The following KIRREL3 variants were observed in gnomAD, a reference collection of about 807,000 sequenced individuals.
KIRREL3 encodes kirre like nephrin family adhesion molecule 3, also known as kin of IRRE-like protein 3.
Under a neutral mutation model 89.7 loss-of-function variants are expected in KIRREL3, and 36 were observed. The ratio of observed to expected loss-of-function variants is 0.40; its 90% CI spans 0.31 to 0.53. KIRREL3 has a LOEUF of 0.53. Ranked by LOEUF, KIRREL3 falls within the 20% of genes least tolerant of loss-of-function variation. KIRREL3 has a pLI of 0.49. For missense variants in KIRREL3, 864 were observed against 1,056.6 expected (o/e 0.82, Z 2.53); for synonymous variants, 445 against 441.4 (o/e 1.01, Z -0.10).
At chr11:126,746,497 G>A (rs978903302) in intron 1 of KIRREL3, among the ~76,000 whole-genome samples, 2 of 152,060 alleles carry the variant, frequency 1.3e-5, no homozygotes, top group Admixed American at 1.3e-4. Context: ...CAGATGACTT[G>A]CCAGACATCT....
rs1345577739 is a variant in KIRREL3 at position 126,742,816 on chromosome 11, G to T, written c.56-179904C>A. 6.6e-6 allele frequency among the ~76,000 whole-genome samples: 1 copy of T among 152,230 alleles called. No individual in the cohort carries two copies. The highest frequency in any genetic ancestry group is 1.5e-5 in the Non-Finnish European group (1 of 68,036). ...GATCAACAACTTTGCCACATCACTGGCACATTCGTTGCTGGGCAACGTGGC... is the reference window on the plus strand; with the variant it reads ...GATCAACAACTTTGCCACATCACTGTCACATTCGTTGCTGGGCAACGTGGC... On this transcript the variant is annotated intron_variant, in intron 1 of 16. Coordinates refer to ENST00000525144, the MANE Select transcript of KIRREL3 (RefSeq NM_032531.4). The surrounding 1 kb of genome is among the most constrained non-coding windows in gnomAD (Gnocchi z 5.3).
Position 126,989,500 on chromosome 11 carries a change from G to A in KIRREL3, c.55+10955C>T, listed in dbSNP as rs1394382659. ...AGGCCAAAGGTAACATAAACCGCCAGCTCTACCAACCACTCAGGCTGCAGA... is the reference window on the plus strand; with the variant it reads ...AGGCCAAAGGTAACATAAACCGCCAACTCTACCAACCACTCAGGCTGCAGA... On this transcript the variant is annotated intron_variant, in intron 1 of 16. Coordinates refer to ENST00000525144, the MANE Select transcript of KIRREL3 (RefSeq NM_032531.4). The surrounding 1 kb of genome is among the most constrained non-coding windows in gnomAD (Gnocchi z 6.2). Among the ~76,000 whole-genome samples, 1 of 152,184 alleles carries A rather than the reference G, an allele frequency of 6.6e-6. No individual in the cohort carries two copies. Among genetic ancestry groups the A allele is most frequent in the African/African-American group, 2.4e-5 (1 of 41,456 alleles).
Position 126,773,846 on chromosome 11 carries a change from T to C in KIRREL3, c.56-210934A>G, listed in dbSNP as rs1464956721. Among the ~76,000 whole-genome samples, 1 of 152,230 alleles carries C rather than the reference T, an allele frequency of 6.6e-6. No individual in the cohort carries two copies. The highest frequency in any genetic ancestry group is 1.5e-5 in the Non-Finnish European group (1 of 68,042). On this transcript the variant is annotated intron_variant, in intron 1 of 16. Coordinates refer to ENST00000525144, the MANE Select transcript of KIRREL3 (RefSeq NM_032531.4). The surrounding 1 kb of genome is among the most constrained non-coding windows in gnomAD (Gnocchi z 4.2). ...AAAAACAGAATGTGATTCCAAATTA[T>C]TTGAATACTTCTGGGACTTTTAAAA... is the stretch of plus-strand genomic sequence containing the variant.
At chr11:126,728,654 C>T (rs902494424) in intron 1 of KIRREL3, among the ~76,000 whole-genome samples, 1 of 152,138 alleles carries the variant, frequency 6.6e-6, no homozygotes, top group Non-Finnish European at 1.5e-5. Flanking sequence ...CACCTTGACT[C>T]TTTGTATAGG....
chr11:126,682,781 G>A lies in KIRREL3; in HGVS notation c.56-119869C>T, dbSNP rs1946516713. Among the ~76,000 whole-genome samples, 1 of 152,182 alleles carries A rather than the reference G, an allele frequency of 6.6e-6. No homozygotes were observed. Among genetic ancestry groups the A allele is most frequent in the Non-Finnish European group, 1.5e-5 (1 of 68,038 alleles). On this transcript the variant is annotated intron_variant, in intron 1 of 16. Coordinates refer to ENST00000525144, the MANE Select transcript of KIRREL3 (RefSeq NM_032531.4). This position sits in a 1 kb window ranked among gnomAD's most constrained non-coding sequence, Gnocchi z 4.8. ...CTCTGCTGATCTGACAGGAGGCAGA[G>A]TTCGGGCGGCAATGTTCACTCACCT...
At chr11:126,507,004 TATATCC>T (rs1316225073) in intron 4 of KIRREL3, among the ~76,000 whole-genome samples, 1 of 152,190 alleles carries the variant, frequency 6.6e-6, no homozygotes, top group Non-Finnish European at 1.5e-5. Flanking sequence ...CAGAATGTGG[TATATCC>T]ATATAATGGA....
chr11:126,853,630 T>C (rs1233605004), intron 1 of KIRREL3, among the ~76,000 whole-genome samples: 1 of 152,204 alleles, frequency 6.6e-6, no homozygotes, highest in African/African-American at 2.4e-5. Flanking sequence ...CTAAGACAGC[T>C]CTTCATATTC....
At chr11:126,453,730 TG>T (rs1360365283) in intron 7 of KIRREL3, among the ~76,000 whole-genome samples, 7 of 152,100 alleles carry the variant, frequency 4.6e-5, no homozygotes, top group Non-Finnish European at 1.0e-4. Flanking sequence ...GGCATTAACC[TG>T]GGGGCCGGAG....
chr11:126,881,641 AG>A (rs984441394), intron 1 of KIRREL3, among the ~76,000 whole-genome samples: 5 of 152,290 alleles, frequency 3.3e-5, no homozygotes, highest in African/African-American at 1.2e-4. Flanking sequence ...TCTGCCTTGT[AG>A]GTTCAAGCAG....
Position 126,955,956 on chromosome 11 carries a change from T to C in KIRREL3, c.55+44499A>G, listed in dbSNP as rs1948910652. 6.6e-6 allele frequency among the ~76,000 whole-genome samples: 1 copy of C among 152,154 alleles called. No homozygotes were observed. Among genetic ancestry groups the C allele is most frequent in the African/African-American group, 2.4e-5 (1 of 41,410 alleles). On this transcript the variant is annotated intron_variant, in intron 1 of 16. Transcript: ENST00000525144. This position sits in a 1 kb window ranked among gnomAD's most constrained non-coding sequence, Gnocchi z 4.6. The stretch of plus-strand genomic sequence containing the variant: ...GAATTACACAACAAAATGCAAAATG[T>C]TAAACGTTCTATGAAAAAAGGGACA...
At chr11:126,964,685 C>G (rs187870777) in intron 1 of KIRREL3, among the ~76,000 whole-genome samples, 1 of 152,250 alleles carries the variant, frequency 6.6e-6, no homozygotes, top group Admixed American at 6.5e-5. Flanking sequence ...GTGACAGACT[C>G]AGAACGAAGG....
chr11:126,465,763 G>C (rs1956701853), intron 5 of KIRREL3, among the ~76,000 whole-genome samples: 1 of 152,184 alleles, frequency 6.6e-6, no homozygotes, highest in South Asian at 2.1e-4. Flanking sequence ...CACTGCAGAG[G>C]AGTGAAGTTG....
At chr11:126,784,509 T>TCCA (rs1950423475) in intron 1 of KIRREL3, among the ~76,000 whole-genome samples, 2 of 152,106 alleles carry the variant, frequency 1.3e-5, no homozygotes, top group South Asian at 4.1e-4. Flanking sequence ...TCCACTTACG[T>TCCA]CCTCAGTCAG....
At chr11:126,672,040 T>A (rs1167039902) in intron 1 of KIRREL3, among the ~76,000 whole-genome samples, 1 of 152,158 alleles carries the variant, frequency 6.6e-6, no homozygotes, top group South Asian at 2.1e-4. Flanking sequence ...CTCCAGTAGG[T>A]GAATGGGTTA....
At chr11:126,452,703 T>C (rs954358753) in intron 7 of KIRREL3, among the ~76,000 whole-genome samples, 1 of 152,108 alleles carries the variant, frequency 6.6e-6, no homozygotes, top group African/African-American at 2.4e-5. Context: ...TTCCCTGCCC[T>C]CCCTGTCCTC....
chr11:126,583,094 G>A (rs1941642894), intron 1 of KIRREL3, among the ~76,000 whole-genome samples: 1 of 152,158 alleles, frequency 6.6e-6, no homozygotes, highest in Non-Finnish European at 1.5e-5. Context: ...TGTGGTTCCG[G>A]ATGTGGACAG....
Position 126,863,501 on chromosome 11 carries a change from G to T in KIRREL3, c.55+136954C>A, listed in dbSNP as rs1386004937. 5.3e-4 allele frequency among the ~76,000 whole-genome samples: 78 copies of T among 148,450 alleles called. 3 individuals carry two copies. Among genetic ancestry groups the T allele is most frequent in the African/African-American group, 1.8e-3 (73 of 40,290 alleles). On this transcript the variant is annotated intron_variant, in intron 1 of 16. Transcript: ENST00000525144. ...TGCGTGTGTGAGTGCGTGTGTGAGT[G>T]TGAGTGCGTGTGTGTTTGAGTGCGT...
Position 126,808,889 on chromosome 11 carries a change from G to A in KIRREL3, c.55+191566C>T, listed in dbSNP as rs924803791. ...AACAAATGTTTATATAGCATGAGAA[G>A]GCCACTGTCAAGGTCGGGAGGTTCC... On this transcript the variant is annotated intron_variant, in intron 1 of 16. Transcript: ENST00000525144. The surrounding 1 kb of genome is among the most constrained non-coding windows in gnomAD (Gnocchi z 4.1). Among the ~76,000 whole-genome samples the A allele has an allele frequency of 2.0e-5, 3 of 152,178 alleles. No homozygotes were observed. Among genetic ancestry groups the A allele is most frequent in the Non-Finnish European group, 4.4e-5 (3 of 68,040 alleles).
chr11:126,461,733 A>T (rs1956550846), intron 6 of KIRREL3, among the ~76,000 whole-genome samples: 1 of 151,960 alleles, frequency 6.6e-6, no homozygotes, highest in Non-Finnish European at 1.5e-5. Flanking sequence ...AGCTCTCAGA[A>T]CCTTAAGACC....
Sources: allele counts gnomAD v4.1 joint callset (sites outside exome capture counted in the v4.1 genomes callset), GRCh38; gene constraint gnomAD v4.1.1; non-coding constraint Gnocchi (gnomAD v3.1); transcripts MANE v1.5; gene names NCBI Gene and HGNC (gene_info 2026-07-23, HGNC 2026-07-21).